MYO5B: variants seen among roughly 807,000 people sequenced by gnomAD.
The protein encoded by MYO5B is unconventional myosin-Vb.
A neutral mutation model predicts 229.3 loss-of-function variants in MYO5B; 143 were observed. That is an observed-to-expected ratio of 0.62 (90% CI 0.54 to 0.72). The LOEUF (loss-of-function observed/expected upper bound fraction) is 0.72, where lower values mean the gene tolerates loss of function less well. Ranked by LOEUF, MYO5B falls within the 30% of genes least tolerant of loss-of-function variation. MYO5B has a pLI of 0.00. For missense variants in MYO5B, 2,321 were observed against 2,331.0 expected (o/e 1.00, Z 0.09); for synonymous variants, 918 against 885.2 (o/e 1.04, Z -0.66).
intron 25 of MYO5B, among the ~76,000 whole-genome samples, chr18:49,877,225 A>G (rs1232390544): frequency 6.6e-6 from 1 of 152,228 alleles, no homozygotes; most frequent in African/African-American, 2.4e-5. Flanking sequence ...TACAAAGACC[A>G]CACAGTCCAC....
intron 17 of MYO5B, among the ~76,000 whole-genome samples, chr18:49,919,582 T>C (rs2025052835): frequency 6.6e-6 from 1 of 152,248 alleles, no homozygotes; most frequent in East Asian, 1.9e-4. Context: ...ATGCTCAACA[T>C]CATTAGTCAT....
At chr18:49,992,572 G>T in intron 5 of MYO5B, 141 bp from the exon 6 acceptor site, 1 of 1,262,536 alleles carries the variant, frequency 7.9e-7, no homozygotes, top group Non-Finnish European at 1.1e-6. Flanking sequence ...AATGAACTGA[G>T]CTAAAGAATA....
intron 18 of MYO5B, among the ~76,000 whole-genome samples, chr18:49,907,676 C>A (rs1217670116): frequency 6.6e-6 from 1 of 152,264 alleles, no homozygotes; most frequent in Non-Finnish European, 1.5e-5. Flanking sequence ...AATCATCATT[C>A]TTCATAGGTT....
chr18:49,836,863 C>T lies in MYO5B; in HGVS notation c.5161G>A (p.Glu1721Lys). 7.4e-6 allele frequency: 12 copies of T among 1,614,072 alleles called. No individual in the cohort carries two copies. Among genetic ancestry groups the T allele is most frequent in the Non-Finnish European group, 1.0e-5 (12 of 1,179,962 alleles). The change falls in exon 38 of 40, where the codon GAG becomes AAG. Residue 1721 changes from glutamate (E) to lysine (K), a missense_variant. Coordinates refer to ENST00000285039, the MANE Select transcript of MYO5B (RefSeq NM_001080467.3). The stretch of plus-strand genomic sequence containing the variant: ...TGAAGGTTTCTTCCCCGAAGCCACT[C>T]CTCAAGCTGACTTATATTGTACCTT... The part of the protein sequence containing the change: ...QLRYNISQLE[E>K]WLRGRNLHQS...
chr18:50,171,232 G>T lies in MYO5B; in HGVS notation c.27+23535C>A, dbSNP rs565901085. Among the ~76,000 whole-genome samples the T allele has an allele frequency of 4.7e-5, 6 of 128,148 alleles. 2 individuals carry two copies. Among genetic ancestry groups the T allele is most frequent in the African/African-American group, 1.8e-4 (6 of 33,956 alleles). 84.1% of individuals were successfully genotyped at this position (128,148 alleles called of 152,430 possible). A position where few individuals can be genotyped will look rare whatever the true frequency, so the allele number is the denominator to read the frequency against. ...ATAAGGCAAATATGCAAAAAGTAAAGTAATCATCCAAGAGATATTAAATAA... is the reference window on the plus strand; with the variant it reads ...ATAAGGCAAATATGCAAAAAGTAAATTAATCATCCAAGAGATATTAAATAA... On this transcript the variant is annotated intron_variant, in intron 1 of 39. Coordinates refer to ENST00000285039, the MANE Select transcript of MYO5B (RefSeq NM_001080467.3).
Position 49,974,470 on chromosome 18 carries a change from C to G in MYO5B, c.1202G>C (p.Arg401Pro). The G allele has an allele frequency of 6.2e-7, 1 of 1,614,150 alleles. No individual in the cohort carries two copies. Among genetic ancestry groups the G allele is most frequent in the Non-Finnish European group, 8.5e-7 (1 of 1,180,018 alleles). ...ATAGATGTGCTTCGCCAGGGCGTTG[C>G]GCGCATTGATCACCTGCTGCAGGGA... Reference protein sequence around the residue: ...TMSLQQVINARNALAKHIYAQ... With the variant: ...TMSLQQVINAPNALAKHIYAQ... The change falls in exon 10 of 40, where the codon CGC becomes CCC. Residue 401 changes from arginine (R) to proline (P), a missense_variant. This residue lies in a region of MYO5B where 2,113 missense variants were observed against 2,044.7 expected (regional missense o/e 1.03). Coordinates refer to ENST00000285039, the MANE Select transcript of MYO5B (RefSeq NM_001080467.3).
rs115120472 is a variant in MYO5B at position 49,901,492 on chromosome 18, G to A, written c.2811+1102C>T. On this transcript the variant is annotated intron_variant, in intron 21 of 39. Transcript: ENST00000285039. ...TGGGAAGGTGGCCAGGGTAGAAAGA[G>A]GACAAAGCTTAAAAATAAGAGTGCT... Among the ~76,000 whole-genome samples, 530 of 152,276 alleles carry A rather than the reference G, an allele frequency of 3.5e-3. 6 individuals are homozygous for A. The highest frequency in any genetic ancestry group is 0.012 in the African/African-American group (498 of 41,548).
chr18:50,001,526 G>A, intron 4 of MYO5B, 115 bp from the exon 5 acceptor site: 1 of 1,249,666 alleles, frequency 8.0e-7, no homozygotes, highest in Non-Finnish European at 1.2e-6. Context: ...CTACTTTAAT[G>A]GATAAACGCA....
intron 1 of MYO5B, among the ~76,000 whole-genome samples, chr18:50,113,660 C>T (rs73430319): frequency 0.02 from 3,032 of 152,284 alleles, 90 homozygotes; most frequent in African/African-American, 0.069. Flanking sequence ...AAGATAGGTA[C>T]TGTGGGGCCC....
intron 22 of MYO5B, among the ~76,000 whole-genome samples, chr18:49,882,131 A>G (rs1311846760): frequency 2.6e-5 from 4 of 152,150 alleles, no homozygotes; most frequent in Non-Finnish European, 5.9e-5. Flanking sequence ...GCAGGGAGAG[A>G]ATGAGGAACA....
intron 14 of MYO5B, among the ~76,000 whole-genome samples, chr18:49,943,214 T>C (rs2025336038): frequency 1.1e-5 from 1 of 88,130 alleles, no homozygotes; most frequent in Non-Finnish European, 2.1e-5. Flanking sequence ...TGGGGACTGT[T>C]GTGGGGTGGG....
At chr18:50,157,436 T>G (rs920965557) in intron 1 of MYO5B, among the ~76,000 whole-genome samples, 1 of 152,144 alleles carries the variant, frequency 6.6e-6, no homozygotes, top group African/African-American at 2.4e-5. Flanking sequence ...GACCCGGGTC[T>G]CTTTCCAACC....
At chr18:49,967,103 G>A (rs533202349) in intron 10 of MYO5B, among the ~76,000 whole-genome samples, 6 of 152,226 alleles carry the variant, frequency 3.9e-5, no homozygotes, top group African/African-American at 9.6e-5. Context: ...TCCTTGGGCC[G>A]GAGGAAGGTC....
At chr18:50,056,788 T>TC (rs1419281168) in intron 1 of MYO5B, among the ~76,000 whole-genome samples, 1 of 150,202 alleles carries the variant, frequency 6.7e-6, no homozygotes, top group Non-Finnish European at 1.5e-5. Flanking sequence ...TCCTGACTCC[T>TC]CCTACACTTG....
Position 50,195,131 on chromosome 18 carries a change from T to G in MYO5B, c.-338A>C. 5.2e-6 allele frequency: 1 copy of G among 194,112 alleles called. No individual in the cohort carries two copies. The highest frequency in any genetic ancestry group is 1.0e-5 in the Non-Finnish European group (1 of 96,164). The allele number at this position is 194,112 out of a possible 1,614,324, so 12.0% of individuals were successfully genotyped here. On this transcript the variant is annotated 5_prime_UTR_variant, in exon 1 of 40. Coordinates refer to ENST00000285039, the MANE Select transcript of MYO5B (RefSeq NM_001080467.3). ...CGCTCGCGTCAGAGCGGACGGCCCG[T>G]GCGCCGCCGCGCCTCTGAGCCCTGC...
In MYO5B at chr18:49,847,137, G is replaced by A; in HGVS notation, c.4459+9C>T. On this transcript the variant is annotated intron_variant, in intron 33 of 39. Coordinates refer to ENST00000285039, the MANE Select transcript of MYO5B (RefSeq NM_001080467.3). ...GCAGGCAGCATAGGGTGGCACAGAG[G>A]GTCCTTACCTGTCACCAGGTTCCGG... 6.2e-7 allele frequency: 1 copy of A among 1,614,018 alleles called. No individual in the cohort carries two copies. Among genetic ancestry groups the A allele is most frequent in the Non-Finnish European group, 8.5e-7 (1 of 1,180,000 alleles).
At chr18:49,919,891 C>T (rs1202941103) in intron 17 of MYO5B, among the ~76,000 whole-genome samples, 3 of 152,174 alleles carry the variant, frequency 2.0e-5, no homozygotes, top group Non-Finnish European at 4.4e-5. Context: ...TTCTTACTTC[C>T]CCAAAAGTAG....
chr18:50,013,938 T>C (rs1209522325), intron 4 of MYO5B, among the ~76,000 whole-genome samples: 2 of 152,138 alleles, frequency 1.3e-5, no homozygotes, highest in Admixed American at 1.3e-4. Flanking sequence ...TTCCCACAGG[T>C]TACAGCCTCA....
chr18:49,827,059 C>T (rs1392796880), intron 39 of MYO5B, among the ~76,000 whole-genome samples: 1 of 152,042 alleles, frequency 6.6e-6, no homozygotes, highest in Non-Finnish European at 1.5e-5. Context: ...GAGAAGAGTA[C>T]ATCACATAAA....
Sources: allele counts gnomAD v4.1 joint callset (sites outside exome capture counted in the v4.1 genomes callset), GRCh38; gene constraint gnomAD v4.1.1; regional missense constraint gnomAD v4.1.1; transcripts MANE v1.5; gene names NCBI Gene and HGNC (gene_info 2026-07-23, HGNC 2026-07-21).